Variants in RALGDS observed in about 807,000 individuals in gnomAD.
RALGDS encodes the protein ral guanine nucleotide exchange factor.
RALGDS carries 44 observed loss-of-function variants against 99.8 expected under a neutral mutation model. The ratio of observed to expected loss-of-function variants is 0.44; its 90% CI spans 0.35 to 0.57. The LOEUF (loss-of-function observed/expected upper bound fraction) is 0.57. RALGDS is among the 20% of genes least tolerant of loss of function. RALGDS has a pLI of 0.01. For missense variants in RALGDS, 1,022 were observed against 1,203.1 expected (o/e 0.85, Z 2.23); for synonymous variants, 529 against 505.0 (o/e 1.05, Z -0.64).
In RALGDS at chr9:133,112,166, G is replaced by A. The variant is rs367931189; in HGVS notation, c.184-14C>T. 1.1e-5 allele frequency: 17 copies of A among 1,544,296 alleles called. No homozygotes were observed. The highest frequency in any genetic ancestry group is 1.8e-4 in the Middle Eastern group (1 of 5,644). On this transcript the variant is annotated splice_polypyrimidine_tract_variant and intron_variant, in intron 1 of 17. Transcript: ENST00000372050. ...CTGCGTGGAGCTCTGTGAAGACAAC[G>A]CCCGGCAGCCGGGCGCGGGGACGTC...
intron 1 of RALGDS, among the ~76,000 whole-genome samples, chr9:133,146,423 C>G (rs1234613409): frequency 6.6e-6 from 1 of 152,150 alleles, no homozygotes; most frequent in Non-Finnish European, 1.5e-5. Flanking sequence ...AACTCCTGAC[C>G]TCAGGTGATC....
chr9:133,107,421 G>C (rs769353376), intron 6 of RALGDS, 121 bp from the exon 7 acceptor site: 1 of 917,552 alleles, frequency 1.1e-6, no homozygotes, highest in Non-Finnish European at 1.7e-6. Context: ...GTCCATGCAG[G>C]GTGCCCAGCA....
At chr9:133,106,089 T>C in intron 8 of RALGDS, 73 bp from the exon 9 acceptor site, 1 of 1,217,404 alleles carries the variant, frequency 8.2e-7, no homozygotes, top group Non-Finnish European at 1.2e-6. Context: ...ATCCGTTTTA[T>C]TTTAGAGCTG....
In RALGDS at chr9:133,101,512, C is replaced by T. The variant is rs745651426; in HGVS notation, c.2454+8G>A. 223 of 1,611,264 alleles carry T rather than the reference C, an allele frequency of 1.4e-4. No individual in the cohort carries two copies. The highest frequency in any genetic ancestry group is 1.8e-4 in the Non-Finnish European group (208 of 1,179,870). On this transcript the variant is annotated splice_region_variant and intron_variant, in intron 16 of 17. Transcript: ENST00000372050. ...AGGGAGGCACCCAGGCCACCCCCGCCGGCTTACCAGGATGCTCTTGTACAT... is the reference window on the plus strand; with the variant it reads ...AGGGAGGCACCCAGGCCACCCCCGCTGGCTTACCAGGATGCTCTTGTACAT...
intron 17 of RALGDS, 103 bp from the exon 18 acceptor site, chr9:133,098,865 C>T: frequency 2.7e-6 from 3 of 1,122,930 alleles, no homozygotes; most frequent in Non-Finnish European, 4.0e-6. Flanking sequence ...GAGCCACAGA[C>T]CTCAGATCCC....
At chr9:133,118,780 C>CAGT (rs1831750254) in intron 1 of RALGDS, among the ~76,000 whole-genome samples, 1 of 152,228 alleles carries the variant, frequency 6.6e-6, no homozygotes, top group African/African-American at 2.4e-5. Context: ...CTCCTGCACA[C>CAGT]AGTAGGTGCC....
chr9:133,101,910 G>T, intron 15 of RALGDS, 28 bp downstream of exon 15: 1 of 1,550,918 alleles, frequency 6.4e-7, no homozygotes. Context: ...GATGGGAAAG[G>T]ATATTGGGGA....
chr9:133,119,574 G>A (rs531169855), intron 1 of RALGDS, among the ~76,000 whole-genome samples: 1 of 152,236 alleles, frequency 6.6e-6, no homozygotes, highest in East Asian at 1.9e-4. Flanking sequence ...AACCTGCACG[G>A]CCACTGTGAG....
rs774256652 is a variant in RALGDS, at chr9:133,104,345, G to A, written c.1603-14C>T. On this transcript the variant is annotated splice_polypyrimidine_tract_variant and intron_variant, in intron 9 of 17. Transcript: ENST00000372050. ...GGAGGTGCCCTCCTGCCAGGGTAGAGGACAGGGTCAGCAAGGCCCTATCCC... is the reference window on the plus strand; with the variant it reads ...GGAGGTGCCCTCCTGCCAGGGTAGAAGACAGGGTCAGCAAGGCCCTATCCC... 9 of 1,607,454 alleles carry A rather than the reference G, an allele frequency of 5.6e-6. No individual in the cohort carries two copies. The highest frequency in any genetic ancestry group is 5.0e-5 in the Admixed American group (3 of 59,992).
chr9:133,128,314 A>G lies in RALGDS; in HGVS notation c.132+2638T>C, dbSNP rs370856960. On this transcript the variant is annotated intron_variant, in intron 1 of 17. Transcript: ENST00000372062. The stretch of plus-strand genomic sequence containing the variant: ...AGACGGAAGCGAGGAGACAGGGCGC[A>G]GAGGGGCTGCGGGGGGTGCTGGGCA... Among the ~76,000 whole-genome samples the G allele has an allele frequency of 3.9e-3, 593 of 152,330 alleles. 8 individuals carry two copies. The highest frequency in any genetic ancestry group is 0.014 in the African/African-American group (576 of 41,574).
At chr9:133,120,891 G>C (rs1831897367) in intron 1 of RALGDS, 81 bp downstream of exon 1, 2 of 1,355,026 alleles carry the variant, frequency 1.5e-6, no homozygotes, top group Admixed American at 6.8e-5. Context: ...CCCCGTCCGG[G>C]GCTCGCCCCG....
chr9:133,143,738 CAATAATAATAATAATAAT>C (rs747330308), intron 1 of RALGDS, among the ~76,000 whole-genome samples: 1 of 108,100 alleles, frequency 9.3e-6, no homozygotes, highest in Admixed American at 9.9e-5. Context: ...GACCCTGTCT[CAATAATAATAATAATAAT>C]AATAATAATA....
chr9:133,144,954 G>A lies in RALGDS; in HGVS notation c.18+4009C>T, dbSNP rs185051436. Among the ~76,000 whole-genome samples, 79 of 152,330 alleles carry A rather than the reference G, an allele frequency of 5.2e-4. No homozygotes were observed. The highest frequency in any genetic ancestry group is 1.9e-3 in the African/African-American group (77 of 41,580). On this transcript the variant is annotated intron_variant, in intron 1 of 17. Coordinates refer to the RALGDS transcript ENST00000393160. The surrounding 1 kb of genome is among the most constrained non-coding windows in gnomAD (Gnocchi z 4.5). ...ATAACAGGGAAAATTGGACAGACACGCACAGGCGGACAGACACGAACTGAT... is the reference window on the plus strand; with the variant it reads ...ATAACAGGGAAAATTGGACAGACACACACAGGCGGACAGACACGAACTGAT...
At chr9:133,116,609 G>A (rs907767764) in intron 1 of RALGDS, among the ~76,000 whole-genome samples, 1 of 152,274 alleles carries the variant, frequency 6.6e-6, no homozygotes, top group Non-Finnish European at 1.5e-5. Context: ...TGGCAGCTGA[G>A]GAGGAAGGTG....
At chr9:133,148,964 T>C (rs1470707002) in exon 1 of RALGDS, 2 of 1,601,814 alleles carry the variant, frequency 1.2e-6, no homozygotes, top group Admixed American at 3.4e-5. Flanking sequence ...CGCACTCACC[T>C]GGCAATCTAC....
chr9:133,115,972 C>T (rs534149815), intron 1 of RALGDS, among the ~76,000 whole-genome samples: 14 of 152,384 alleles, frequency 9.2e-5, no homozygotes, highest in Admixed American at 3.9e-4. Flanking sequence ...GCGGGGCCCA[C>T]GCTGCTGTGC....
At chr9:133,140,509 A>G (rs1832501236) in intron 1 of RALGDS, among the ~76,000 whole-genome samples, 3 of 152,000 alleles carry the variant, frequency 2.0e-5, no homozygotes, top group African/African-American at 7.2e-5. Flanking sequence ...CACCCTTCCC[A>G]TGGGAGCCCT....
At chr9:133,103,707 TC>T in intron 11 of RALGDS, 39 bp downstream of exon 11, 1 of 1,597,126 alleles carries the variant, frequency 6.3e-7, no homozygotes, top group Non-Finnish European at 8.6e-7. Context: ...GGAAGGTCTC[TC>T]CTCCCGGGCC....
chr9:133,122,273 A>G (rs35018082), upstream of RALGDS, among the ~76,000 whole-genome samples: 36,859 of 152,144 alleles, frequency 0.24, 4,976 homozygotes, highest in Middle Eastern at 0.41. Flanking sequence ...AGAATGGATG[A>G]ATGAATGGGA....
Sources: allele counts gnomAD v4.1 joint callset (sites outside exome capture counted in the v4.1 genomes callset), GRCh38; gene constraint gnomAD v4.1.1; non-coding constraint Gnocchi (gnomAD v3.1); transcripts MANE v1.5; gene names NCBI Gene and HGNC (gene_info 2026-07-23, HGNC 2026-07-21).